MMS19: variants seen among roughly 807,000 people sequenced by gnomAD.
The protein encoded by MMS19 is MMS19 nucleotide excision repair protein homolog.
In MMS19, 77 loss-of-function variants were observed where a neutral mutation model predicts 129.8. The ratio of observed to expected loss-of-function variants is 0.59; its 90% confidence interval spans 0.49 to 0.72. The LOEUF (loss-of-function observed/expected upper bound fraction) is 0.72. Ranked by LOEUF, MMS19 falls within the 30% of genes least tolerant of loss-of-function variation. MMS19 has a pLI of 0.00. For missense variants in MMS19, 1,168 were observed against 1,266.3 expected, an observed-to-expected ratio of 0.92 and a Z score of 1.18; for synonymous variants, 491 against 502.8, an observed-to-expected ratio of 0.98 and a Z score of 0.31.
intron 8 of MMS19, 137 bp from the exon 9 acceptor site, chr10:97,470,998 CAAG>C (rs984206033): frequency 1.5e-5 from 8 of 533,364 alleles, no homozygotes; most frequent in African/African-American, 9.8e-5. Context: ...GAGGCCCCAG[CAAG>C]AAGACTTGCT....
chr10:97,472,261 T>TG (rs576320163), intron 8 of MMS19, among the ~76,000 whole-genome samples: 2 of 152,222 alleles, frequency 1.3e-5, no homozygotes, highest in Non-Finnish European at 2.9e-5. Flanking sequence ...TTATTTGAGA[T>TG]GGAGTTTTGC....
intron 1 of MMS19, among the ~76,000 whole-genome samples, chr10:97,488,635 C>T (rs1292494674): frequency 2.0e-5 from 3 of 152,172 alleles, no homozygotes; most frequent in Admixed American, 2.0e-4. Context: ...AAGTGCTACG[C>T]AAATAGTTGT....
upstream of MMS19, chr10:97,498,513 G>T (rs1157918648): frequency 1.4e-6 from 2 of 1,385,996 alleles, no homozygotes; most frequent in Non-Finnish European, 1.9e-6. Context: ...GTGCCTGCCG[G>T]CTTCTGCCTA....
Position 97,476,827 on chromosome 10 carries a change from C to G in MMS19, c.622+8G>C, listed in dbSNP as rs182205114. On this transcript the variant is annotated splice_region_variant and intron_variant, in intron 7 of 30. Coordinates refer to ENST00000438925, the MANE Select transcript of MMS19 (RefSeq NM_022362.5). Reference sequence around the variant, plus strand: ...TCCAATGAGCTAATCATGGCTACCACGATATACCCAGGCTATAGTCCCTGG... The same window carrying G: ...TCCAATGAGCTAATCATGGCTACCAGGATATACCCAGGCTATAGTCCCTGG... The G allele has an allele frequency of 6.2e-7, 1 of 1,613,952 alleles. No individual in the cohort carries two copies. The highest frequency in any genetic ancestry group is 1.7e-5 in the Admixed American group (1 of 60,008).
Position 97,460,909 on chromosome 10 carries a change from A to G in MMS19, c.2410T>C (p.Trp804Arg), listed in dbSNP as rs1288436355. 1 of 1,576,960 alleles carries G rather than the reference A, an allele frequency of 6.3e-7. No homozygotes were observed. Among genetic ancestry groups the G allele is most frequent in the East Asian group, 2.3e-5 (1 of 42,986 alleles). Residue 804 changes from tryptophan to arginine, a missense_variant and splice_region_variant, in exon 24 of 31, where the codon TGG (tryptophan) becomes CGG (arginine). By Grantham distance (101) the Trp-to-Arg change is moderately radical. This residue lies in a region of MMS19 where 831 missense variants were observed against 910.8 expected (regional missense o/e 0.91). Coordinates refer to ENST00000438925, the MANE Select transcript of MMS19 (RefSeq NM_022362.5). ...CRSQAFTLLLWVTKALVLRYH... is the reference protein window; with the variant it reads ...CRSQAFTLLLRVTKALVLRYH... ...CAGACTCCACTCCAACTCCTTACCC[A>G]GAGAAGAAGAGTGAAGGCCTGACTA...
intron 1 of MMS19, among the ~76,000 whole-genome samples, chr10:97,488,956 C>A (rs2038403400): frequency 6.6e-6 from 1 of 152,000 alleles, no homozygotes. Flanking sequence ...ATTTTTTAAT[C>A]TTTTTTATTT....
At chr10:97,486,676 A>G (rs1020364596) in intron 1 of MMS19, among the ~76,000 whole-genome samples, 1 of 151,968 alleles carries the variant, frequency 6.6e-6, no homozygotes, top group African/African-American at 2.4e-5. Context: ...AATTGGTAAA[A>G]GCGTTTTTTA....
At chr10:97,498,527 AG>A (rs1432094769), upstream of MMS19, 3 of 1,173,782 alleles carry the variant, frequency 2.6e-6, no homozygotes, top group Non-Finnish European at 3.5e-6. Context: ...CTGCCTAGGC[AG>A]TTCCAGGGAG....
chr10:97,463,063 G>A (rs970603655), intron 19 of MMS19: 1 of 220,194 alleles, frequency 4.5e-6, no homozygotes, highest in South Asian at 7.1e-5. Flanking sequence ...ATCTTCATGG[G>A]TCCTTATTAT....
chr10:97,491,844 T>C lies in MMS19; in HGVS notation c.112+6429A>G, dbSNP rs29001265. Among the ~76,000 whole-genome samples, 13 of 150,978 alleles carry C rather than the reference T, an allele frequency of 8.6e-5. No homozygotes were observed. The East Asian group carries it at 2.4e-3, about 28-fold the overall frequency. Reference sequence around the variant, plus strand: ...TTCTTGAATTAATGCAGCACAAACATAAAAGTGACTATAAGGCCGGGCACG... The same window carrying C: ...TTCTTGAATTAATGCAGCACAAACACAAAAGTGACTATAAGGCCGGGCACG... On this transcript the variant is annotated intron_variant, in intron 1 of 30. Transcript: ENST00000438925.
At position 97,477,850 on chromosome 10, in the gene MMS19, C is replaced by T; in HGVS notation, c.423+5G>A. On this transcript the variant is annotated splice_donor_5th_base_variant and intron_variant, in intron 5 of 30. Coordinates refer to ENST00000438925, the MANE Select transcript of MMS19 (RefSeq NM_022362.5). ...GAGAATACCAACATGACTGTTATCC[C>T]TCACCTGTACATGCACTTCCTGGAA... 6.3e-7 allele frequency: 1 copy of T among 1,598,160 alleles called. No homozygotes were observed. Among genetic ancestry groups the T allele is most frequent in the East Asian group, 2.2e-5 (1 of 44,678 alleles).
At chr10:97,476,661 A>T (rs769268013) in intron 8 of MMS19, 22 bp downstream of exon 8, 1 of 1,612,074 alleles carries the variant, frequency 6.2e-7, no homozygotes, top group Non-Finnish European at 8.5e-7. Flanking sequence ...ATATATGATC[A>T]AACAATGAAG....
intron 10 of MMS19, 138 bp from the exon 11 acceptor site, chr10:97,469,861 G>C: frequency 2.8e-6 from 2 of 707,272 alleles, no homozygotes; most frequent in Non-Finnish European, 4.8e-6. Flanking sequence ...GTCCTACTAA[G>C]GGAACAGAGA....
chr10:97,498,168 T>A (rs944418414), intron 1 of MMS19, 105 bp downstream of exon 1: 12 of 1,078,818 alleles, frequency 1.1e-5, no homozygotes, highest in Non-Finnish European at 1.6e-5. Context: ...TTGAGACCAA[T>A]CTCTCAAAGT....
At chr10:97,460,835 C>A in intron 24 of MMS19, 72 bp downstream of exon 24, 2 of 1,528,176 alleles carry the variant, frequency 1.3e-6, no homozygotes, top group South Asian at 1.2e-5. Context: ...GGTTTAGGGT[C>A]AAACAGGGAC....
intron 3 of MMS19, among the ~76,000 whole-genome samples, chr10:97,479,261 C>T (rs182210804): frequency 1.3e-4 from 20 of 152,228 alleles, no homozygotes; most frequent in Middle Eastern, 3.4e-3. Flanking sequence ...TCATTGGAGC[C>T]GTATCATTTT....
In MMS19 at chr10:97,467,570, C is replaced by T. The variant is rs906153781; in HGVS notation, c.1232G>A (p.Arg411Gln). The T allele has an allele frequency of 9.9e-6, 16 of 1,613,934 alleles. No individual in the cohort carries two copies. The highest frequency in any genetic ancestry group is 4.5e-5 in the East Asian group (2 of 44,892). Residue 411 changes from arginine (R) to glutamine (Q), a missense_variant, in exon 14 of 31, where the codon CGG becomes CAG. Physicochemically the swap from Arg to Gln is conservative, Grantham distance 43. This residue lies in a region of MMS19 where 831 missense variants were observed against 910.8 expected (regional missense o/e 0.91). Coordinates refer to ENST00000438925, the MANE Select transcript of MMS19 (RefSeq NM_022362.5). ...FHKHSQSSQR[R>Q]TILEMLLGFL... Reference sequence around the variant, plus strand: ...ACCCAGGAGCATTTCAAGGATTGTCCGCCGCTGGCTGCTCTGTAACGTTTC... The same window carrying T: ...ACCCAGGAGCATTTCAAGGATTGTCTGCCGCTGGCTGCTCTGTAACGTTTC...
chr10:97,474,074 T>C (rs2035288027), intron 8 of MMS19, among the ~76,000 whole-genome samples: 1 of 142,904 alleles, frequency 7.0e-6, no homozygotes, highest in Non-Finnish European at 1.5e-5. Flanking sequence ...AGTACCAGAG[T>C]CCAGAGAGGT....
chr10:97,487,457 T>A (rs1376572787), intron 1 of MMS19, among the ~76,000 whole-genome samples: 1 of 151,944 alleles, frequency 6.6e-6, no homozygotes, highest in African/African-American at 2.4e-5. Context: ...TAGCTGGGAC[T>A]ACAGGCGCCC....
Sources: gnomAD v4.1 joint callset for allele counts (sites outside exome capture counted in the v4.1 genomes callset) on GRCh38, gnomAD v4.1.1 for gene constraint, gnomAD v4.1.1 regional missense constraint, MANE v1.5 for transcripts, NCBI Gene and HGNC (gene_info 2026-07-23, HGNC 2026-07-21) for gene names.